KCNQ1: variants seen among roughly 807,000 people sequenced by gnomAD.
KCNQ1 encodes potassium voltage-gated channel subfamily Q member 1, also known as potassium voltage-gated channel subfamily KQT member 1.
In KCNQ1, 49 loss-of-function variants were observed where a neutral mutation model predicts 72.4. The ratio of observed to expected loss-of-function variants is 0.68; its 90% CI spans 0.54 to 0.86. The LOEUF (loss-of-function observed/expected upper bound fraction) is 0.86, where lower values mean the gene tolerates loss of function less well. Among genes scored for constraint, KCNQ1 ranks in the 40% least tolerant of loss-of-function variants. The pLI is 0.00. For synonymous variants in KCNQ1, 450 were observed against 412.6 expected (o/e 1.09, Z -1.10); for missense variants, 790 against 945.1 (o/e 0.84, Z 2.15).
At chr11:2,744,430 C>G (rs1452201839) in intron 11 of KCNQ1, among the ~76,000 whole-genome samples, 3 of 152,244 alleles carry the variant, frequency 2.0e-5, no homozygotes, top group African/African-American at 4.8e-5. Context: ...CATGTGATAC[C>G]TGCAGGGGTG....
In KCNQ1 at chr11:2,690,549, A is replaced by T. The variant is rs1350755724; in HGVS notation, c.1514+28468A>T. 1 of 398,708 alleles carries T rather than the reference A, an allele frequency of 2.5e-6. No individual in the cohort carries two copies. Among genetic ancestry groups the T allele is most frequent in the African/African-American group, 2.1e-5 (1 of 48,772 alleles). The allele number at this position is 398,708 out of a possible 1,614,324, so 24.7% of individuals were successfully genotyped here. ...GTGCCACTGGGCCTAGGGAAGGACA[A>T]GAAGTAACATGTCAAAGATGGGACA... On this transcript the variant is annotated intron_variant, in intron 11 of 15. Transcript: ENST00000155840. This position sits in a 1 kb window ranked among gnomAD's most constrained non-coding sequence, Gnocchi z 5.1.
chr11:2,700,029 G>A (rs560488291), intron 11 of KCNQ1: 25 of 398,188 alleles, frequency 6.3e-5, no homozygotes, highest in Middle Eastern at 6.3e-4. Context: ...GACTGCCCCC[G>A]CCGCTGCCGA....
At position 2,600,441 on chromosome 11, in the gene KCNQ1, T is replaced by C. The variant is rs534865991; in HGVS notation, c.1393+11587T>C. Among the ~76,000 whole-genome samples the C allele has an allele frequency of 6.6e-6, 1 of 152,356 alleles. No homozygotes were observed. Among genetic ancestry groups the C allele is most frequent in the Non-Finnish European group, 1.5e-5 (1 of 68,028 alleles). On this transcript the variant is annotated intron_variant, in intron 10 of 15. Transcript: ENST00000155840. The surrounding 1 kb of genome is among the most constrained non-coding windows in gnomAD (Gnocchi z 5.6). Reference sequence around the variant, plus strand: ...TACTAATTGTTACATTTTGCCACATTTGCTTTATCATTTGAACCCCTTTCT... The same window carrying C: ...TACTAATTGTTACATTTTGCCACATCTGCTTTATCATTTGAACCCCTTTCT...
rs1850954477 is a variant in KCNQ1, at chr11:2,708,739, C to T, written c.1514+46658C>T. ...TGCGGGGGGCGGTCCATTTCCATCT[C>T]CCTGTTCTCTCCCCAGGCCAATGGC... On this transcript the variant is annotated intron_variant, in intron 11 of 15. Coordinates refer to ENST00000155840, the MANE Select transcript of KCNQ1 (RefSeq NM_000218.3). Among the ~76,000 whole-genome samples the T allele has an allele frequency of 2.0e-5, 3 of 152,158 alleles. No individual in the cohort carries two copies. The South Asian group carries it at 6.2e-4, about 32-fold the overall frequency.
intron 15 of KCNQ1, among the ~76,000 whole-genome samples, chr11:2,799,906 C>T (rs553109537): frequency 1.2e-3 from 178 of 152,248 alleles, no homozygotes; most frequent in African/African-American, 3.9e-3. Context: ...AAGTGTCCCA[C>T]GCCTGCCCGT....
chr11:2,630,114 G>GT (rs2133815073), intron 10 of KCNQ1: 2 of 398,264 alleles, frequency 5.0e-6, no homozygotes, highest in Non-Finnish European at 4.4e-6. Flanking sequence ...TTTGTTCATA[G>GT]TTTTTATCAT....
chr11:2,573,089 G>T (rs1848366677), intron 6 of KCNQ1, 103 bp downstream of exon 6: 11 of 1,376,240 alleles, frequency 8.0e-6, no homozygotes, highest in Admixed American at 2.1e-5. Flanking sequence ...CTTGGCAGGG[G>T]CTTCTCACCT....
intron 1 of KCNQ1, among the ~76,000 whole-genome samples, chr11:2,455,241 G>GAC (rs1454817854): frequency 3.3e-5 from 5 of 152,112 alleles, no homozygotes; most frequent in African/African-American, 1.2e-4. Flanking sequence ...GGGACAACAG[G>GAC]CGTCTGCCAC....
Position 2,588,214 on chromosome 11 carries a change from T to A in KCNQ1, c.1252-499T>A, listed in dbSNP as rs1179479288. The stretch of plus-strand genomic sequence containing the variant: ...GGGCTGACGCTGGCATGGTTCCCCT[T>A]CCTGGCCCGTGCCCACCCCCTGTGG... On this transcript the variant is annotated intron_variant, in intron 9 of 15. Transcript: ENST00000155840. This position sits in a 1 kb window ranked among gnomAD's most constrained non-coding sequence, Gnocchi z 5.6. Among the ~76,000 whole-genome samples the A allele has an allele frequency of 2.0e-5, 3 of 152,014 alleles. No homozygotes were observed. The highest frequency in any genetic ancestry group is 7.3e-5 in the African/African-American group (3 of 41,366).
rs918017487 is a variant in KCNQ1 at position 2,723,073 on chromosome 11, G to A, written c.1515-45771G>A. Among the ~76,000 whole-genome samples the A allele has an allele frequency of 9.2e-5, 14 of 152,348 alleles. No individual in the cohort carries two copies. The highest frequency in any genetic ancestry group is 3.4e-4 in the African/African-American group (14 of 41,578). ...ATTCCCGTGCCAGGGTGGTCTGAGC[G>A]GAGAGGACAGGGGGGATCCCAGACG... On this transcript the variant is annotated intron_variant, in intron 11 of 15. Coordinates refer to ENST00000155840, the MANE Select transcript of KCNQ1 (RefSeq NM_000218.3). This position sits in a 1 kb window ranked among gnomAD's most constrained non-coding sequence, Gnocchi z 4.2.
intron 15 of KCNQ1, among the ~76,000 whole-genome samples, chr11:2,825,217 G>A (rs528906242): frequency 3.9e-5 from 6 of 152,328 alleles, no homozygotes; most frequent in South Asian, 2.1e-4. Flanking sequence ...CCCTGCTGTC[G>A]GGCGTGTGCC....
intron 15 of KCNQ1, among the ~76,000 whole-genome samples, chr11:2,825,432 C>T (rs1030866811): frequency 3.9e-5 from 6 of 152,032 alleles, no homozygotes; most frequent in African/African-American, 1.4e-4. Flanking sequence ...AGAGCAAGCA[C>T]CACGCGGGGG....
At chr11:2,581,797 C>A (rs1453286548) in intron 6 of KCNQ1, among the ~76,000 whole-genome samples, 3 of 152,210 alleles carry the variant, frequency 2.0e-5, no homozygotes, top group Non-Finnish European at 2.9e-5. Flanking sequence ...TGAGTGTGCA[C>A]CCACATACAC....
rs114445228 is a variant in KCNQ1, at chr11:2,497,109, A to C, written c.387-30819A>C. Among the ~76,000 whole-genome samples, 686 of 152,184 alleles carry C rather than the reference A, an allele frequency of 4.5e-3. 6 individuals carry two copies. Among genetic ancestry groups the C allele is most frequent in the African/African-American group, 0.016 (668 of 41,506 alleles). Reference sequence around the variant, plus strand: ...GGCTGCCCTTAACGTTTTGTCCTTCATTTAAACCTTGGAGAATCTGACAAT... The same window carrying C: ...GGCTGCCCTTAACGTTTTGTCCTTCCTTTAAACCTTGGAGAATCTGACAAT... On this transcript the variant is annotated intron_variant, in intron 1 of 15. Transcript: ENST00000155840. This position sits in a 1 kb window ranked among gnomAD's most constrained non-coding sequence, Gnocchi z 4.5.
rs534164658 is a variant in KCNQ1, at chr11:2,752,533, G to C, written c.1515-16311G>C. 6.6e-6 allele frequency among the ~76,000 whole-genome samples: 1 copy of C among 152,130 alleles called. No homozygotes were observed. Among genetic ancestry groups the C allele is most frequent in the Non-Finnish European group, 1.5e-5 (1 of 68,016 alleles). ...AGACTGGGAAGCACAGGGTCAGGGC[G>C]CCAGCAGATCTGGTGTCTGGTAAGG... On this transcript the variant is annotated intron_variant, in intron 11 of 15. Transcript: ENST00000155840. The surrounding 1 kb of genome is among the most constrained non-coding windows in gnomAD (Gnocchi z 5.2).
intron 15 of KCNQ1, chr11:2,839,803 G>C (rs1336893840): frequency 6.6e-6 from 1 of 152,200 alleles, no homozygotes; most frequent in Non-Finnish European, 1.5e-5. Context: ...AGGTTATGAG[G>C]TCACCTGGGA....
chr11:2,792,794 G>C (rs1305812985), intron 15 of KCNQ1, among the ~76,000 whole-genome samples: 1 of 152,190 alleles, frequency 6.6e-6, no homozygotes, highest in Non-Finnish European at 1.5e-5. Context: ...CTGAGATCCA[G>C]CTCATGGCTT....
In KCNQ1 at chr11:2,583,483, G is replaced by T. The variant is rs1848536066; in HGVS notation, c.970G>T (p.Val324Phe). The change falls in exon 7 of 16, where the codon GTC becomes TTC. Residue 324 changes from valine (V) to phenylalanine (F), a missense_variant. Val to Phe is a conservative substitution (Grantham distance 50). Transcript: ENST00000155840. ...GYGDKVPQTW[V>F]GKTIASCFSV... ...TGGGGACAAGGTGCCCCAGACGTGG[G>T]TCGGGAAGACCATCGCCTCCTGCTT... is the stretch of plus-strand genomic sequence containing the variant. The T allele has an allele frequency of 6.2e-7, 1 of 1,614,094 alleles. No homozygotes were observed. The highest frequency in any genetic ancestry group is 8.5e-7 in the Non-Finnish European group (1 of 1,180,002).
rs1846791507 is a variant in KCNQ1 at position 2,779,967 on chromosome 11, C to T, written c.1794+1930C>T. ...TTAAGAACAAGGCTGGGGCCACATC[C>T]TGGTGCCCTGTCAGGCTCTGAGCCG... On this transcript the variant is annotated intron_variant, in intron 15 of 15. Coordinates refer to ENST00000155840, the MANE Select transcript of KCNQ1 (RefSeq NM_000218.3). 3.9e-5 allele frequency among the ~76,000 whole-genome samples: 6 copies of T among 152,376 alleles called. No homozygotes were observed. In the South Asian group the frequency reaches 1.2e-3, roughly 32 times the overall value.
Sources: gnomAD v4.1 joint callset for allele counts (sites outside exome capture counted in the v4.1 genomes callset) on GRCh38, gnomAD v4.1.1 for gene constraint, Gnocchi (gnomAD v3.1) non-coding constraint, MANE v1.5 for transcripts, NCBI Gene and HGNC (gene_info 2026-07-23, HGNC 2026-07-21) for gene names.